TMEM132D: variants seen among roughly 807,000 people sequenced by gnomAD.
TMEM132D encodes transmembrane protein 132D.
Under a neutral mutation model 62.3 loss-of-function variants are expected in TMEM132D, and 21 were observed. The observed-to-expected ratio is 0.34, with a 90% CI of 0.24 to 0.49. The LOEUF (loss-of-function observed/expected upper bound fraction) is 0.49. Among genes scored for constraint, TMEM132D ranks in the 20% least tolerant of loss-of-function variants. TMEM132D has a pLI of 0.99. For missense variants in TMEM132D, 1,346 were observed against 1,402.8 expected, an observed-to-expected ratio of 0.96 and a Z score of 0.65; for synonymous variants, 621 against 575.6, an observed-to-expected ratio of 1.08 and a Z score of -1.13.
chr12:129,620,630 A>G (rs544250927), intron 2 of TMEM132D, among the ~76,000 whole-genome samples: 144 of 152,322 alleles, frequency 9.5e-4, no homozygotes, highest in Middle Eastern at 3.4e-3. Context: ...ACCATGGAAT[A>G]CTATGCAGCC....
At chr12:129,314,447 G>C (rs1868415435) in intron 4 of TMEM132D, among the ~76,000 whole-genome samples, 1 of 152,100 alleles carries the variant, frequency 6.6e-6, no homozygotes. Context: ...TTATTTCTGG[G>C]TTCTCTATTC....
chr12:129,746,008 C>T (rs1869763722), intron 1 of TMEM132D, among the ~76,000 whole-genome samples: 2 of 152,140 alleles, frequency 1.3e-5, no homozygotes, highest in South Asian at 4.1e-4. Flanking sequence ...TGACATTCAT[C>T]CAGGGACCTG....
chr12:129,290,206 C>G (rs1881412055), intron 4 of TMEM132D, among the ~76,000 whole-genome samples: 2 of 152,032 alleles, frequency 1.3e-5, no homozygotes, highest in African/African-American at 4.8e-5. Flanking sequence ...TTCCTCACCT[C>G]TTTGTTACCC....
chr12:129,417,341 C>T (rs375628793), intron 3 of TMEM132D, among the ~76,000 whole-genome samples: 4 of 152,082 alleles, frequency 2.6e-5, no homozygotes, highest in Admixed American at 2.6e-4. Flanking sequence ...GATACTGGTA[C>T]CAAAACAGAT....
Position 129,293,968 on chromosome 12 carries a change from G to T in TMEM132D, c.1299+43666C>A, listed in dbSNP as rs185163320. On this transcript the variant is annotated intron_variant, in intron 4 of 8. Transcript: ENST00000422113. Reference sequence around the variant, plus strand: ...AACACAACCAAAAATGAAGAGGAGAGGGGGGCCCCACAGTAACTGAGATTC... The same window carrying T: ...AACACAACCAAAAATGAAGAGGAGATGGGGGCCCCACAGTAACTGAGATTC... 2.4e-3 allele frequency among the ~76,000 whole-genome samples: 367 copies of T among 151,892 alleles called. 2 individuals are homozygous for T. The highest frequency in any genetic ancestry group is 8.4e-3 in the African/African-American group (346 of 41,388).
intron 4 of TMEM132D, among the ~76,000 whole-genome samples, chr12:129,254,954 G>A (rs992632346): frequency 1.5e-4 from 23 of 152,162 alleles, no homozygotes; most frequent in African/African-American, 5.6e-4. Context: ...GGTAGAGCCT[G>A]GTGGGAGGTG....
intron 3 of TMEM132D, among the ~76,000 whole-genome samples, chr12:129,477,640 G>A (rs555718258): frequency 3.1e-4 from 47 of 152,198 alleles, no homozygotes; most frequent in Non-Finnish European, 5.9e-4. Flanking sequence ...CTAACACGGT[G>A]AAACCCCGTC....
intron 3 of TMEM132D, among the ~76,000 whole-genome samples, chr12:129,476,288 G>A (rs1487852396): frequency 6.6e-6 from 1 of 152,210 alleles, no homozygotes; most frequent in Admixed American, 6.5e-5. Flanking sequence ...CCTTTGCTTG[G>A]AAATCACTAT....
intron 1 of TMEM132D, among the ~76,000 whole-genome samples, chr12:129,900,552 TG>T (rs1875318984): frequency 1.3e-5 from 2 of 152,182 alleles, no homozygotes; most frequent in African/African-American, 4.8e-5. Flanking sequence ...GGAACATAAC[TG>T]GGAAGGATGC....
intron 4 of TMEM132D, among the ~76,000 whole-genome samples, chr12:129,287,665 G>A (rs1881337975): frequency 6.6e-6 from 1 of 152,168 alleles, no homozygotes; most frequent in South Asian, 2.1e-4. Context: ...ACCTGTAACA[G>A]GACATATTGG....
intron 2 of TMEM132D, among the ~76,000 whole-genome samples, chr12:129,578,279 C>T (rs1877734493): frequency 6.6e-6 from 1 of 152,040 alleles, no homozygotes; most frequent in Non-Finnish European, 1.5e-5. Context: ...CCCCAGCTTG[C>T]AAGTGGTAGA....
At position 129,227,300 on chromosome 12, in the gene TMEM132D, AATATATAT is replaced by A. The variant is rs141108255; in HGVS notation, c.1300-17645_1300-17638del. 6.4e-5 allele frequency among the ~76,000 whole-genome samples: 7 copies of A among 108,716 alleles called. 1 individual carries two copies. The highest frequency in any genetic ancestry group is 1.9e-4 in the African/African-American group (6 of 31,774). The allele number at this position is 108,716 out of a possible 152,430, so 71.3% of individuals were successfully genotyped here. A position where few individuals can be genotyped will look rare whatever the true frequency, so the allele number is the denominator to read the frequency against. ...ATCTGTCATCTGTCCTGCGTTAGGAAATATATATATATATATATATATATATGGCGCAA... is the reference window on the plus strand; with the variant it reads ...ATCTGTCATCTGTCCTGCGTTAGGAAATATATATATATATATATGGCGCAA... On this transcript the variant is annotated intron_variant, in intron 4 of 8. Coordinates refer to ENST00000422113, the MANE Select transcript of TMEM132D (RefSeq NM_133448.3).
chr12:129,854,292 C>T (rs1873644326), intron 1 of TMEM132D, among the ~76,000 whole-genome samples: 2 of 152,174 alleles, frequency 1.3e-5, no homozygotes. Flanking sequence ...CTCACCCCGG[C>T]CTCTGAGGCA....
At chr12:129,341,316 G>C (rs11060260) in intron 3 of TMEM132D, among the ~76,000 whole-genome samples, 1,594 of 152,312 alleles carry the variant, frequency 0.01, 21 homozygotes, top group African/African-American at 0.036. Context: ...TATTGTAGGA[G>C]ATAAATACAG....
intron 1 of TMEM132D, among the ~76,000 whole-genome samples, chr12:129,828,827 G>A (rs1372885733): frequency 2.7e-5 from 4 of 146,014 alleles, no homozygotes; most frequent in Non-Finnish European, 1.5e-5. Context: ...AAAAAGGGAG[G>A]GAGAAGAGAA....
chr12:129,162,795 G>A (rs907055049), intron 5 of TMEM132D, among the ~76,000 whole-genome samples: 17 of 152,162 alleles, frequency 1.1e-4, no homozygotes, highest in African/African-American at 3.6e-4. Context: ...CTTCCTGTAC[G>A]GCTTGCATAA....
intron 3 of TMEM132D, among the ~76,000 whole-genome samples, chr12:129,463,888 G>A (rs1228265900): frequency 1.3e-5 from 2 of 150,824 alleles, no homozygotes; most frequent in African/African-American, 4.9e-5. Flanking sequence ...TGGACATTTG[G>A]CTTGGTTCCA....
intron 4 of TMEM132D, among the ~76,000 whole-genome samples, chr12:129,300,361 G>T (rs981577492): frequency 6.6e-6 from 1 of 152,158 alleles, no homozygotes; most frequent in South Asian, 2.1e-4. Context: ...AAAGACATTC[G>T]ATGACTGCTC....
rs937550779 is a variant in TMEM132D, at chr12:129,330,785, G to A, written c.1299+6849C>T. On this transcript the variant is annotated intron_variant, in intron 4 of 8. Transcript: ENST00000422113. ...TAATACATAATTTTCCTTACAAATC[G>A]CCCAGTGTCAGGCATTCTGTTGTAA... is the stretch of plus-strand genomic sequence containing the variant. 5.3e-5 allele frequency among the ~76,000 whole-genome samples: 8 copies of A among 152,054 alleles called. No individual in the cohort carries two copies. In the East Asian group the frequency reaches 5.8e-4, roughly 11 times the overall value.
Sources: allele counts gnomAD v4.1 joint callset (sites outside exome capture counted in the v4.1 genomes callset), GRCh38; gene constraint gnomAD v4.1.1; transcripts MANE v1.5; gene names NCBI Gene and HGNC (gene_info 2026-07-23, HGNC 2026-07-21).